Variants in BORCS5 observed in about 807,000 individuals in gnomAD.
BORCS5 encodes BLOC-1-related complex subunit 5.
In BORCS5, 17 loss-of-function variants were observed where a neutral mutation model predicts 22.1. The observed-to-expected ratio is 0.77, with a 90% confidence interval of 0.53 to 1.15. The LOEUF is 1.15. BORCS5 is among the 50% of genes most tolerant of loss of function. The pLI is 0.00. For synonymous variants in BORCS5, 117 were observed against 99.8 expected (o/e 1.17, Z -1.03); for missense variants, 247 against 253.2 (o/e 0.98, Z 0.17).
At chr12:12,428,831 T>C (rs1942352856) in intron 2 of BORCS5, among the ~76,000 whole-genome samples, 1 of 152,242 alleles carries the variant, frequency 6.6e-6, no homozygotes, top group Non-Finnish European at 1.5e-5. Context: ...TATTTGGGTA[T>C]ACATTTTTCC....
In BORCS5 at chr12:12,470,163, C is replaced by T. The variant is rs777765182; in HGVS notation, c.*4387C>T. ...TCGGCTCACTGCAACCTCCGCCTCC[C>T]GGGTTCAAGCAGTTATACTGTCTCA... On this transcript the variant is annotated 3_prime_UTR_variant, in exon 4 of 4. Coordinates refer to ENST00000314565, the MANE Select transcript of BORCS5 (RefSeq NM_058169.6). 6.6e-5 allele frequency among the ~76,000 whole-genome samples: 10 copies of T among 152,140 alleles called. No homozygotes were observed. Among genetic ancestry groups the T allele is most frequent in the South Asian group, 2.1e-4 (1 of 4,830 alleles).
intron 3 of BORCS5, among the ~76,000 whole-genome samples, chr12:12,456,973 G>T (rs191932373): frequency 6.6e-6 from 1 of 152,118 alleles, no homozygotes; most frequent in East Asian, 1.9e-4. Context: ...TAGATATGTT[G>T]TGTCTATTTG....
intron 3 of BORCS5, among the ~76,000 whole-genome samples, chr12:12,460,826 T>A (rs1320716041): frequency 6.6e-6 from 1 of 152,272 alleles, no homozygotes; most frequent in African/African-American, 2.4e-5. Context: ...CTCCTTGACA[T>A]AAGCATTGCT....
chr12:12,420,366 T>A (rs1405799044), intron 2 of BORCS5, among the ~76,000 whole-genome samples: 1 of 152,158 alleles, frequency 6.6e-6, no homozygotes, highest in African/African-American at 2.4e-5. Context: ...AGATGTGTGG[T>A]GTTATTTCTG....
At chr12:12,447,213 A>G in intron 3 of BORCS5, among the ~76,000 whole-genome samples, 1 of 152,100 alleles carries the variant, frequency 6.6e-6, no homozygotes. Context: ...TCTAGCCTGA[A>G]ATGTCCAGCC....
intron 2 of BORCS5, among the ~76,000 whole-genome samples, chr12:12,425,415 C>T (rs1185674746): frequency 1.3e-5 from 2 of 151,832 alleles, no homozygotes; most frequent in Non-Finnish European, 2.9e-5. Context: ...TTTTAGGAAC[C>T]CCCATACTGT....
intron 2 of BORCS5, among the ~76,000 whole-genome samples, chr12:12,409,444 T>C (rs1201041208): frequency 2.6e-5 from 4 of 152,068 alleles, no homozygotes. Flanking sequence ...GGACACTTAT[T>C]GTTCAATTCC....
intron 2 of BORCS5, among the ~76,000 whole-genome samples, chr12:12,371,466 G>C (rs773134057): frequency 5.3e-5 from 8 of 152,026 alleles, no homozygotes; most frequent in Non-Finnish European, 1.0e-4. Flanking sequence ...TAATCTTTTT[G>C]TATTTTTTGT....
At chr12:12,405,238 T>C (rs1409859420) in intron 2 of BORCS5, among the ~76,000 whole-genome samples, 1 of 152,206 alleles carries the variant, frequency 6.6e-6, no homozygotes, top group Non-Finnish European at 1.5e-5. Context: ...TTCTAAAGTA[T>C]AACCACATCT....
intron 3 of BORCS5, among the ~76,000 whole-genome samples, chr12:12,458,749 G>A (rs546832773): frequency 2.0e-5 from 3 of 151,522 alleles, no homozygotes; most frequent in Admixed American, 2.0e-4. Context: ...GAGGCAGGTG[G>A]ATCATGTGGT....
At chr12:12,419,565 T>C (rs1942060957) in intron 2 of BORCS5, among the ~76,000 whole-genome samples, 1 of 152,230 alleles carries the variant, frequency 6.6e-6, no homozygotes, top group Admixed American at 6.5e-5. Context: ...TACCCAGTAA[T>C]GGGATGGCTG....
intron 1 of BORCS5, among the ~76,000 whole-genome samples, chr12:12,358,086 C>T (rs1006778329): frequency 3.3e-5 from 5 of 152,218 alleles, no homozygotes; most frequent in Non-Finnish European, 5.9e-5. Flanking sequence ...TTTTAGACTT[C>T]TCTAAGCGTT....
At chr12:12,376,190 G>T (rs1164111524) in intron 2 of BORCS5, among the ~76,000 whole-genome samples, 9 of 151,564 alleles carry the variant, frequency 5.9e-5, no homozygotes, top group Non-Finnish European at 2.9e-5. Flanking sequence ...TTGATTTGCA[G>T]GATTTTCGGA....
intron 3 of BORCS5, among the ~76,000 whole-genome samples, chr12:12,464,293 C>T (rs10743987): frequency 0.2 from 29,698 of 151,992 alleles, 3,399 homozygotes; most frequent in Admixed American, 0.28. Context: ...CGCCAGAGGA[C>T]AGCAACACTG....
rs1389240791 is a variant in BORCS5 at position 12,413,614 on chromosome 12, C to G, written c.203-22014C>G. Among the ~76,000 whole-genome samples, 513 of 137,832 alleles carry G rather than the reference C, an allele frequency of 3.7e-3. 4 individuals carry two copies. The highest frequency in any genetic ancestry group is 3.6e-3 in the Non-Finnish European group (232 of 63,646). The allele number at this position is 137,832 out of a possible 152,430, so 90.4% of individuals were successfully genotyped here. A position where few individuals can be genotyped will look rare whatever the true frequency, so the allele number is the denominator to read the frequency against. Reference sequence around the variant, plus strand: ...CGCTGGGCACACCTCCCAGACGGGTCGTGGCCGGGCAGAGGGGCTCCTCAC... The same window carrying G: ...CGCTGGGCACACCTCCCAGACGGGTGGTGGCCGGGCAGAGGGGCTCCTCAC... On this transcript the variant is annotated intron_variant, in intron 2 of 3. Coordinates refer to ENST00000314565, the MANE Select transcript of BORCS5 (RefSeq NM_058169.6).
At chr12:12,431,221 T>C (rs930402810) in intron 2 of BORCS5, among the ~76,000 whole-genome samples, 10 of 152,200 alleles carry the variant, frequency 6.6e-5, no homozygotes, top group Non-Finnish European at 2.9e-5. Context: ...ACCTACAAAG[T>C]ATTTTTCATG....
At chr12:12,406,062 C>T (rs1592093403) in intron 2 of BORCS5, among the ~76,000 whole-genome samples, 2 of 152,256 alleles carry the variant, frequency 1.3e-5, no homozygotes, top group Non-Finnish European at 2.9e-5. Context: ...GGGATTGCTT[C>T]TACTGCTCCC....
intron 3 of BORCS5, among the ~76,000 whole-genome samples, chr12:12,464,657 C>T (rs1943167254): frequency 6.6e-6 from 1 of 152,050 alleles, no homozygotes; most frequent in South Asian, 2.1e-4. Flanking sequence ...GTGCAAGTGC[C>T]CAACACGATG....
intron 3 of BORCS5, among the ~76,000 whole-genome samples, chr12:12,438,385 A>AAAAAAAAAAAAAAACAC (rs1555156048): frequency 5.1e-4 from 64 of 126,130 alleles, no homozygotes; most frequent in African/African-American, 2.0e-3. Context: ...AAAAAACGAA[A>AAAAAAAAAAAAAAACAC]AACAACAACA....
Sources: allele counts gnomAD v4.1 joint callset (sites outside exome capture counted in the v4.1 genomes callset), GRCh38; gene constraint gnomAD v4.1.1; transcripts MANE v1.5; gene names NCBI Gene and HGNC (gene_info 2026-07-23, HGNC 2026-07-21).